AFAP1L1: variants seen among roughly 807,000 people sequenced by gnomAD.
AFAP1L1 encodes the protein actin filament-associated protein 1-like 1.
A neutral mutation model predicts 99.8 loss-of-function variants in AFAP1L1; 77 were observed. The observed-to-expected ratio is 0.77, with a 90% CI of 0.64 to 0.93. AFAP1L1 has a LOEUF of 0.93. AFAP1L1 is among the 40% of genes least tolerant of loss of function. The pLI, the probability that AFAP1L1 is intolerant of heterozygous loss-of-function variation, is 0.00. For missense variants in AFAP1L1, 893 were observed against 996.8 expected (o/e 0.90, Z 1.40); for synonymous variants, 373 against 395.3 (o/e 0.94, Z 0.67).
intron 18 of AFAP1L1, among the ~76,000 whole-genome samples, chr5:149,338,766 G>A (rs1757477490): frequency 6.6e-6 from 1 of 152,216 alleles, no homozygotes; most frequent in Non-Finnish European, 1.5e-5. Context: ...TGATAGCAAA[G>A]ACCCTTTCAA....
At chr5:149,331,456 TAAA>T (rs1353182013) in intron 16 of AFAP1L1, among the ~76,000 whole-genome samples, 1 of 151,900 alleles carries the variant, frequency 6.6e-6, no homozygotes, top group African/African-American at 2.4e-5. Context: ...CCGTCTCTAT[TAAA>T]AATACAAAAC....
intron 15 of AFAP1L1, among the ~76,000 whole-genome samples, chr5:149,324,010 C>T (rs946549927): frequency 1.3e-5 from 2 of 152,208 alleles, no homozygotes; most frequent in South Asian, 2.1e-4. Context: ...AGTGGAGCTA[C>T]TCTGGTTGAG....
At chr5:149,332,984 G>A in intron 17 of AFAP1L1, 111 bp downstream of exon 17, 3 of 1,376,776 alleles carry the variant, frequency 2.2e-6, no homozygotes, top group Non-Finnish European at 2.9e-6. Context: ...CCCACTTACA[G>A]ACAAGAAAAC....
rs144806146 is a variant in AFAP1L1, at chr5:149,315,913, C to T, written c.1113C>T (p.His371=). Residue 371 remains histidine (H), a splice_region_variant and synonymous_variant, in exon 10 of 19, where the codon CAC becomes CAT. Transcript: ENST00000296721. The stretch of plus-strand genomic sequence containing the variant: ...TTGGCCGCCGGGAGACCTGTGATCA[C>T]GGTAGGAGCCTCTGGGGGCTCAGGC... ...STLGRRETCD[H]GKGKKSSLAE... 3.3e-5 allele frequency: 53 copies of T among 1,614,102 alleles called. No homozygotes were observed. Among genetic ancestry groups the T allele is most frequent in the East Asian group, 1.3e-4 (6 of 44,872 alleles).
intron 12 of AFAP1L1, among the ~76,000 whole-genome samples, chr5:149,318,661 C>T (rs1024665374): frequency 1.3e-5 from 2 of 152,202 alleles, no homozygotes; most frequent in Non-Finnish European, 2.9e-5. Context: ...TTCTTACTCA[C>T]GGGCACTAGC....
chr5:149,310,264 C>A, intron 8 of AFAP1L1, 129 bp downstream of exon 8: 2 of 1,187,870 alleles, frequency 1.7e-6, no homozygotes, highest in Non-Finnish European at 2.3e-6. Context: ...GTGCCCTCTG[C>A]GTGGCTAGGG....
At chr5:149,337,376 A>G (rs1456646673) in intron 18 of AFAP1L1, among the ~76,000 whole-genome samples, 3 of 152,216 alleles carry the variant, frequency 2.0e-5, no homozygotes, top group Non-Finnish European at 4.4e-5. Flanking sequence ...TGTGATAATC[A>G]TTTCACAATA....
At chr5:149,318,048 G>A in intron 12 of AFAP1L1, 108 bp downstream of exon 12, 1 of 1,317,602 alleles carries the variant, frequency 7.6e-7, no homozygotes, top group Admixed American at 2.3e-5. Context: ...GGGGACTGAA[G>A]GGGAAGGAAA....
At chr5:149,316,514 A>G (rs1320970634) in intron 11 of AFAP1L1, among the ~76,000 whole-genome samples, 1 of 152,148 alleles carries the variant, frequency 6.6e-6, no homozygotes. Flanking sequence ...ACGAAAGGAA[A>G]AGCCAGCTGA....
intron 1 of AFAP1L1, among the ~76,000 whole-genome samples, chr5:149,278,393 T>A (rs1755408395): frequency 6.6e-6 from 1 of 151,978 alleles, no homozygotes; most frequent in African/African-American, 2.4e-5. Flanking sequence ...GTCTAGCCTT[T>A]CACCTCCATC....
At chr5:149,294,768 C>T (rs1289002342) in intron 1 of AFAP1L1, among the ~76,000 whole-genome samples, 1 of 151,810 alleles carries the variant, frequency 6.6e-6, no homozygotes, top group African/African-American at 2.4e-5. Flanking sequence ...CCAGAGCACT[C>T]CACTGGAGGG....
At chr5:149,287,783 T>C (rs1006148197) in intron 1 of AFAP1L1, among the ~76,000 whole-genome samples, 14 of 149,064 alleles carry the variant, frequency 9.4e-5, no homozygotes, top group African/African-American at 3.5e-4. Flanking sequence ...TTTTAGTACA[T>C]GTTAGCCAGG....
At chr5:149,286,790 C>T (rs1755696401) in intron 1 of AFAP1L1, among the ~76,000 whole-genome samples, 1 of 152,176 alleles carries the variant, frequency 6.6e-6, no homozygotes, top group Admixed American at 6.5e-5. Flanking sequence ...GATCACCCCA[C>T]TTTGATGTTG....
Position 149,332,798 on chromosome 5 carries a change from G to A in AFAP1L1, c.2079G>A (p.Val693=). Residue 693 remains valine, a synonymous_variant, in exon 17 of 19, where the codon GTG becomes GTA. Coordinates refer to ENST00000296721, the MANE Select transcript of AFAP1L1 (RefSeq NM_152406.4). ...RIDLELKLVA[V]KERLQQSLAG... ...ACCTGGAGCTGAAGCTGGTGGCTGT[G>A]AAGGAGCGCTTGCAGCAGTCCCTGG... 2 of 1,613,236 alleles carry A rather than the reference G, an allele frequency of 1.2e-6. No homozygotes were observed. Among genetic ancestry groups the A allele is most frequent in the Non-Finnish European group, 1.7e-6 (2 of 1,179,964 alleles).
In AFAP1L1 at chr5:149,332,935, TC is replaced by T. The variant is rs558649215; in HGVS notation, c.2154+63del. On this transcript the variant is annotated intron_variant, in intron 17 of 18. Transcript: ENST00000296721. ...CCTATGTCCCTCCACTCACTACAGA[TC>T]TCTTCTTCATGATCATTCTTTGGAG... 2.6e-5 allele frequency: 38 copies of T among 1,453,306 alleles called. No individual in the cohort carries two copies. The East Asian group carries it at 5.1e-4, about 19-fold the overall frequency. 90.0% of individuals were successfully genotyped at this position (1,453,306 alleles called of 1,614,324 possible).
intron 1 of AFAP1L1, among the ~76,000 whole-genome samples, chr5:149,273,555 G>A (rs1245087151): frequency 6.6e-6 from 1 of 152,104 alleles, no homozygotes; most frequent in Non-Finnish European, 1.5e-5. Context: ...GGAAGGGCAG[G>A]CAGGAAAGAG....
At chr5:149,275,721 T>A (rs1352161512) in intron 1 of AFAP1L1, among the ~76,000 whole-genome samples, 1 of 151,940 alleles carries the variant, frequency 6.6e-6, no homozygotes, top group Non-Finnish European at 1.5e-5. Context: ...TTAGCCAGGA[T>A]GGTCTCCATC....
chr5:149,315,870 G>T lies in AFAP1L1; in HGVS notation c.1070G>T (p.Gly357Val), dbSNP rs367680261. Residue 357 changes from glycine (G) to valine (V), a missense_variant, in exon 10 of 19, where the codon GGT becomes GTT. Physicochemically the swap from Gly to Val is moderately radical, Grantham distance 109. Coordinates refer to ENST00000296721, the MANE Select transcript of AFAP1L1 (RefSeq NM_152406.4). ...TCAGATTCTGACAGCGTGGGTGTGG[G>T]TGACAACTGTTCTACCCTTGGCCGC... ...QTSDSDSVGV[G>V]DNCSTLGRRE... 4 of 1,614,178 alleles carry T rather than the reference G, an allele frequency of 2.5e-6. No homozygotes were observed. Among genetic ancestry groups the T allele is most frequent in the Non-Finnish European group, 3.4e-6 (4 of 1,180,036 alleles).
intron 15 of AFAP1L1, among the ~76,000 whole-genome samples, chr5:149,328,030 A>G (rs974064343): frequency 6.6e-6 from 1 of 152,230 alleles, no homozygotes; most frequent in Non-Finnish European, 1.5e-5. Flanking sequence ...CAAGGAAAAA[A>G]TCTTGAAGGC....
Sources: gnomAD v4.1 joint callset for allele counts (sites outside exome capture counted in the v4.1 genomes callset) on GRCh38, gnomAD v4.1.1 for gene constraint, MANE v1.5 for transcripts, NCBI Gene and HGNC (gene_info 2026-07-23, HGNC 2026-07-21) for gene names.